Variants in TRDN observed in about 807,000 individuals in gnomAD.
TRDN encodes triadin, also known as triadin in skeletal muscle.
A neutral mutation model predicts 149.7 loss-of-function variants in TRDN; 161 were observed. The ratio of observed to expected loss-of-function variants is 1.08; its 90% CI spans 0.95 to 1.23. The LOEUF (loss-of-function observed/expected upper bound fraction) is 1.23. TRDN is among the 50% of genes most tolerant of loss of function. The probability of loss-of-function intolerance (pLI) is 0.00; values close to 1 mark genes in which losing one functional copy is unlikely to be tolerated. For synonymous variants in TRDN, 294 were observed against 250.5 expected, an observed-to-expected ratio of 1.17 and a Z score of -1.64; for missense variants, 896 against 823.5, an observed-to-expected ratio of 1.09 and a Z score of -1.08.
intron 16 of TRDN, among the ~76,000 whole-genome samples, chr6:123,380,420 A>C (rs1375908455): frequency 6.6e-6 from 1 of 152,156 alleles, no homozygotes; most frequent in Non-Finnish European, 1.5e-5. Flanking sequence ...TCTCTGTGCC[A>C]GTACTCATCA....
At chr6:123,301,752 CATATAT>C (rs776895792) in intron 24 of TRDN, among the ~76,000 whole-genome samples, 56 of 77,012 alleles carry the variant, frequency 7.3e-4, no homozygotes, top group Non-Finnish European at 1.3e-3. Flanking sequence ...TATATATATA[CATATAT>C]ATATATATAT....
At chr6:123,316,345 G>T (rs1030648797) in intron 24 of TRDN, 112 bp downstream of exon 24, 5 of 1,009,728 alleles carry the variant, frequency 5.0e-6, no homozygotes, top group African/African-American at 3.2e-5. Flanking sequence ...TTTTTTTAAT[G>T]TTTTGGATGT....
intron 38 of TRDN, among the ~76,000 whole-genome samples, chr6:123,225,172 C>G (rs565212981): frequency 1.2e-4 from 18 of 151,648 alleles, no homozygotes; most frequent in Non-Finnish European, 2.5e-4. Flanking sequence ...TGAAATAAAA[C>G]CACAATGAGA....
chr6:123,402,618 T>C (rs555134806), intron 12 of TRDN, among the ~76,000 whole-genome samples: 2 of 152,276 alleles, frequency 1.3e-5, no homozygotes, highest in South Asian at 2.1e-4. Context: ...TACTGCATTT[T>C]TGGGCAGGAA....
intron 4 of TRDN, among the ~76,000 whole-genome samples, chr6:123,543,480 A>C (rs181146726): frequency 4.7e-4 from 72 of 152,286 alleles, no homozygotes; most frequent in African/African-American, 1.6e-3. Context: ...AAGGATATAC[A>C]TTGTACCGTC....
chr6:123,379,771 T>C (rs1228332470), intron 16 of TRDN, among the ~76,000 whole-genome samples: 1 of 152,196 alleles, frequency 6.6e-6, no homozygotes, highest in Non-Finnish European at 1.5e-5. Flanking sequence ...AACTCATGTT[T>C]ATGGTTGATT....
chr6:123,376,759 G>A (rs1781523185), intron 18 of TRDN, among the ~76,000 whole-genome samples: 1 of 152,080 alleles, frequency 6.6e-6, no homozygotes, highest in African/African-American at 2.4e-5. Context: ...TTGTGGTAGG[G>A]TGAGACTACA....
chr6:123,505,788 C>T (rs1583161241), intron 7 of TRDN, among the ~76,000 whole-genome samples: 1 of 151,828 alleles, frequency 6.6e-6, no homozygotes, highest in African/African-American at 2.4e-5. Context: ...CAACCTCTGC[C>T]TCTCAGTTTC....
At chr6:123,522,471 A>G (rs1254452247) in intron 5 of TRDN, among the ~76,000 whole-genome samples, 1 of 143,578 alleles carries the variant, frequency 7.0e-6, no homozygotes, top group Non-Finnish European at 1.5e-5. Context: ...TTAGAAATAC[A>G]TTACTATTTT....
At chr6:123,433,011 A>C (rs1480477078) in intron 12 of TRDN, among the ~76,000 whole-genome samples, 1 of 151,514 alleles carries the variant, frequency 6.6e-6, no homozygotes, top group East Asian at 1.9e-4. Flanking sequence ...TATAATCTAT[A>C]AAGATTCCCA....
At chr6:123,590,629 G>A (rs1473248235) in intron 1 of TRDN, among the ~76,000 whole-genome samples, 1 of 152,034 alleles carries the variant, frequency 6.6e-6, no homozygotes, top group South Asian at 2.1e-4. Flanking sequence ...CGGGTGTGTG[G>A]CACATGCCTA....
At chr6:123,347,921 A>G (rs1248349274) in intron 21 of TRDN, among the ~76,000 whole-genome samples, 1 of 152,074 alleles carries the variant, frequency 6.6e-6, no homozygotes, top group Non-Finnish European at 1.5e-5. Flanking sequence ...GCAGGTTAAC[A>G]TTTTATAATT....
At position 123,516,174 on chromosome 6, in the gene TRDN, T is replaced by C; in HGVS notation, c.517A>G (p.Lys173Glu). ...THKEKEKGKEKVREKEKPEKK... is the reference protein window; with the variant it reads ...THKEKEKGKEEVREKEKPEKK... Reference sequence around the variant, plus strand: ...TCAGGTTTTTCTTTTTCTCTTACTTTTTCTTTTCCTTTTTCTTTTTCTTTG... The same window carrying C: ...TCAGGTTTTTCTTTTTCTCTTACTTCTTCTTTTCCTTTTTCTTTTTCTTTG... The change falls in exon 6 of 41, where the codon AAA becomes GAA. Residue 173 changes from lysine (K) to glutamate (E), a missense_variant. Physicochemically the swap from Lys to Glu is moderately conservative, Grantham distance 56 (BLOSUM62 1). Coordinates refer to ENST00000334268, the MANE Select transcript of TRDN (RefSeq NM_006073.4). 1.3e-6 allele frequency: 2 copies of C among 1,490,822 alleles called. No homozygotes were observed. Among genetic ancestry groups the C allele is most frequent in the Non-Finnish European group, 1.8e-6 (2 of 1,108,262 alleles). 92.3% of individuals were successfully genotyped at this position (1,490,822 alleles called of 1,614,324 possible). A position where few individuals can be genotyped will look rare whatever the true frequency, so the allele number is the denominator to read the frequency against.
chr6:123,408,991 C>T (rs539652382), intron 12 of TRDN, among the ~76,000 whole-genome samples: 2 of 152,266 alleles, frequency 1.3e-5, no homozygotes, highest in African/African-American at 4.8e-5. Context: ...ATATACCAGA[C>T]TGAAATTCTG....
At chr6:123,444,685 A>G (rs1309976511) in intron 10 of TRDN, among the ~76,000 whole-genome samples, 1 of 151,976 alleles carries the variant, frequency 6.6e-6, no homozygotes, top group Non-Finnish European at 1.5e-5. Context: ...ATTATTTTGA[A>G]ATACGGCCCA....
intron 4 of TRDN, among the ~76,000 whole-genome samples, 186 bp downstream of exon 4, chr6:123,547,154 A>G (rs564061568): frequency 2.0e-5 from 3 of 152,122 alleles, no homozygotes; most frequent in African/African-American, 7.2e-5. Context: ...AAAATAATCA[A>G]CAGAAAAGTA....
chr6:123,301,771 A>ATATATATATATATACACG (rs1778430275), intron 24 of TRDN, among the ~76,000 whole-genome samples: 1 of 82,314 alleles, frequency 1.2e-5, no homozygotes, highest in Non-Finnish European at 2.6e-5. Flanking sequence ...ATATATATAC[A>ATATATATATATATACACG]TATATATATA....
At chr6:123,473,222 G>T (rs1377371598) in intron 9 of TRDN, among the ~76,000 whole-genome samples, 2 of 152,070 alleles carry the variant, frequency 1.3e-5, no homozygotes, top group Non-Finnish European at 2.9e-5. Flanking sequence ...TGTATAACTA[G>T]AATAACCAAT....
intron 1 of TRDN, among the ~76,000 whole-genome samples, chr6:123,582,568 C>A (rs1344736646): frequency 5.3e-5 from 8 of 151,812 alleles, no homozygotes; most frequent in Admixed American, 5.3e-4. Flanking sequence ...CCAGGATGAG[C>A]CAGGAGAAGG....
Sources: allele counts gnomAD v4.1 joint callset (sites outside exome capture counted in the v4.1 genomes callset), GRCh38; gene constraint gnomAD v4.1.1; transcripts MANE v1.5; gene names NCBI Gene and HGNC (gene_info 2026-07-23, HGNC 2026-07-21).